Variants in NEBL observed in about 807,000 individuals in gnomAD.
NEBL encodes the protein LIM and SH3 protein 2.
A neutral mutation model predicts 140.2 loss-of-function variants in NEBL; 122 were observed. The ratio of observed to expected loss-of-function variants is 0.87; its 90% CI spans 0.75 to 1.01. NEBL has a LOEUF of 1.01. Ranked by LOEUF, NEBL falls within the 50% of genes least tolerant of loss-of-function variation. The pLI is 0.00. For synonymous variants in NEBL, 436 were observed against 398.9 expected, an observed-to-expected ratio of 1.09 and a Z score of -1.11; for missense variants, 1,365 against 1,231.3, an observed-to-expected ratio of 1.11 and a Z score of -1.62.
intron 2 of NEBL, among the ~76,000 whole-genome samples, chr10:21,168,193 A>G (rs1375848433): frequency 6.6e-6 from 1 of 152,234 alleles, no homozygotes; most frequent in African/African-American, 2.4e-5. Context: ...AAACTGAAGA[A>G]GCACTCACTA....
chr10:20,942,282 C>T (rs190810016), intron 4 of NEBL, among the ~76,000 whole-genome samples: 16 of 152,220 alleles, frequency 1.1e-4, no homozygotes, highest in South Asian at 4.2e-4. Context: ...AGAAATAATG[C>T]CGCATATCTA....
At chr10:20,847,747 T>G (rs146153496) in intron 11 of NEBL, among the ~76,000 whole-genome samples, 7 of 152,160 alleles carry the variant, frequency 4.6e-5, no homozygotes, top group African/African-American at 9.7e-5. Flanking sequence ...TCAGTGAAAA[T>G]GTATGTTAAC....
intron 4 of NEBL, among the ~76,000 whole-genome samples, chr10:20,930,702 G>A (rs551328984): frequency 8.5e-5 from 13 of 152,072 alleles, no homozygotes; most frequent in African/African-American, 1.4e-4. Flanking sequence ...CTAAATAGAC[G>A]GCTTCTACTT....
chr10:20,791,571 T>C (rs919444855), intron 26 of NEBL, among the ~76,000 whole-genome samples: 4 of 151,924 alleles, frequency 2.6e-5, no homozygotes, highest in African/African-American at 9.7e-5. Context: ...GATTTTTTTT[T>C]TTCCCTACAG....
chr10:20,961,593 T>C (rs1224393278), intron 4 of NEBL: 7 of 1,083,988 alleles, frequency 6.5e-6, no homozygotes, highest in Non-Finnish European at 9.9e-6. Context: ...ACACAAACAC[T>C]TCCAAGTCAT....
rs540884761 is a variant in NEBL, at chr10:21,070,589, G to A, written c.165-50388C>T. Among the ~76,000 whole-genome samples, 6 of 152,032 alleles carry A rather than the reference G, an allele frequency of 3.9e-5. No homozygotes were observed. In the East Asian group the frequency reaches 5.8e-4, roughly 15 times the overall value. ...CAAAGGACAGATAACCTAAGTGGGC[G>A]ATTAGATTTAATACCACATCCCTGA... On this transcript the variant is annotated intron_variant, in intron 2 of 6. Transcript: ENST00000417816.
At chr10:20,911,673 T>G (rs1259547202) in intron 4 of NEBL, among the ~76,000 whole-genome samples, 4 of 152,190 alleles carry the variant, frequency 2.6e-5, no homozygotes, top group Non-Finnish European at 5.9e-5. Context: ...GTACATAAAA[T>G]AGGGACATAT....
intron 3 of NEBL, among the ~76,000 whole-genome samples, chr10:21,009,744 T>A (rs1395704853): frequency 6.6e-6 from 1 of 152,210 alleles, no homozygotes; most frequent in African/African-American, 2.4e-5. Flanking sequence ...GAGCCTGTTT[T>A]TATCCTTTTG....
At chr10:20,992,966 G>A (rs532572566) in intron 3 of NEBL, among the ~76,000 whole-genome samples, 157 of 151,294 alleles carry the variant, frequency 1.0e-3, no homozygotes, top group Middle Eastern at 0.01. Flanking sequence ...TATTTTTTTA[G>A]TAGAGACGGG....
chr10:21,025,038 T>C (rs553171584), intron 2 of NEBL, among the ~76,000 whole-genome samples: 1 of 152,266 alleles, frequency 6.6e-6, no homozygotes, highest in East Asian at 1.9e-4. Flanking sequence ...AAACAGAAGA[T>C]TTCTCCACCA....
intron 2 of NEBL, among the ~76,000 whole-genome samples, chr10:21,071,163 T>C (rs1175721629): frequency 6.6e-6 from 1 of 151,374 alleles, no homozygotes; most frequent in Non-Finnish European, 1.5e-5. Flanking sequence ...AGTGACACTC[T>C]GTCTCTAAAC....
intron 3 of NEBL, among the ~76,000 whole-genome samples, chr10:20,978,770 T>G (rs1282841769): frequency 2.1e-5 from 3 of 145,882 alleles, no homozygotes; most frequent in African/African-American, 7.8e-5. Context: ...AAAAAAAAAG[T>G]TTGGAAAGGT....
chr10:21,097,700 T>A (rs1837256830), intron 2 of NEBL, among the ~76,000 whole-genome samples: 3 of 152,152 alleles, frequency 2.0e-5, no homozygotes, highest in Admixed American at 2.0e-4. Flanking sequence ...ACAGAAAAGA[T>A]AAGTCTCGGT....
intron 4 of NEBL, among the ~76,000 whole-genome samples, chr10:20,928,187 T>TTGAAAAAGTGTGAAAAAATG (rs1834005100): frequency 6.6e-6 from 1 of 152,228 alleles, no homozygotes; most frequent in South Asian, 2.1e-4. Context: ...CTTGGTACAG[T>TTGAAAAAGTGTGAAAAAATG]TGAAAAAGTA....
chr10:20,927,882 A>C (rs1833990073), intron 4 of NEBL, among the ~76,000 whole-genome samples: 1 of 152,208 alleles, frequency 6.6e-6, no homozygotes, highest in South Asian at 2.1e-4. Context: ...GTATACACAT[A>C]AAATACGAAG....
At chr10:20,990,440 G>GCT (rs995409582) in intron 3 of NEBL, among the ~76,000 whole-genome samples, 110 of 151,468 alleles carry the variant, frequency 7.3e-4, no homozygotes, top group East Asian at 3.3e-3. Flanking sequence ...CACAGCACTA[G>GCT]CTCTCTCTCT....
rs1338513057 is a variant in NEBL, at chr10:20,809,487, T to G, written c.2611+319A>C. Among the ~76,000 whole-genome samples, 5 of 152,184 alleles carry G rather than the reference T, an allele frequency of 3.3e-5. No homozygotes were observed. In the East Asian group the frequency reaches 9.6e-4, roughly 29 times the overall value. Reference sequence around the variant, plus strand: ...TAAAAAATTATAACAATGTATTTCATGAAACAAACCTCCTTTTGTCTCAGC... The same window carrying G: ...TAAAAAATTATAACAATGTATTTCAGGAAACAAACCTCCTTTTGTCTCAGC... On this transcript the variant is annotated intron_variant, in intron 25 of 27. Transcript: ENST00000377122.
At chr10:21,227,791 T>TTTCTTC (rs148503650) in intron 3 of NEBL, among the ~76,000 whole-genome samples, 3 of 146,576 alleles carry the variant, frequency 2.0e-5, no homozygotes, top group African/African-American at 5.2e-5. Context: ...CTTTCTCTTC[T>TTTCTTC]TTCTTCTTCT....
chr10:20,941,276 T>C (rs1437387701), intron 4 of NEBL, among the ~76,000 whole-genome samples: 1 of 152,158 alleles, frequency 6.6e-6, no homozygotes, highest in Non-Finnish European at 1.5e-5. Flanking sequence ...GCAAGGCCGG[T>C]TCAACATACG....
Sources: allele counts gnomAD v4.1 joint callset (sites outside exome capture counted in the v4.1 genomes callset), GRCh38; gene constraint gnomAD v4.1.1; transcripts MANE v1.5; gene names NCBI Gene and HGNC (gene_info 2026-07-23, HGNC 2026-07-21).